The following TRAPPC9 variants were observed in gnomAD, a reference collection of about 807,000 sequenced individuals.
TRAPPC9 encodes IKK2 binding protein.
In TRAPPC9, 83 loss-of-function variants were observed where a neutral mutation model predicts 124.0. The observed-to-expected ratio is 0.67, with a 90% CI of 0.56 to 0.80. TRAPPC9 has a LOEUF of 0.80. Among genes scored for constraint, TRAPPC9 ranks in the 30% least tolerant of loss-of-function variants. The pLI, the probability that TRAPPC9 is intolerant of heterozygous loss-of-function variation, is 0.00. For missense variants in TRAPPC9, 1,302 were observed against 1,508.3 expected (o/e 0.86, Z 2.27); for synonymous variants, 638 against 617.5 (o/e 1.03, Z -0.49).
In TRAPPC9 at chr8:140,033,678, T is replaced by TTTG. The variant is rs1563706892; in HGVS notation, c.2557-9600_2557-9599insCAA. On this transcript the variant is annotated intron_variant, in intron 17 of 22. Transcript: ENST00000438773. ...ATGTGGTTTTTTTTTTTTTTTTTTTTTTTTTTTTTTTTTTTTTTTTTGAGA... is the reference window on the plus strand; with the variant it reads ...ATGTGGTTTTTTTTTTTTTTTTTTTTTTGTTTTTTTTTTTTTTTTTTTTTGAGA... 2.1e-4 allele frequency among the ~76,000 whole-genome samples: 10 copies of TTTG among 48,508 alleles called. 1 individual carries two copies. Among genetic ancestry groups the TTTG allele is most frequent in the Non-Finnish European group, 4.1e-4 (7 of 16,946 alleles). 31.8% of individuals were successfully genotyped at this position (48,508 alleles called of 152,430 possible). A position where few individuals can be genotyped will look rare whatever the true frequency, so the allele number is the denominator to read the frequency against.
chr8:140,024,232 T>TACCGACTCACACCCCCGGCGGGG (rs1223809739), intron 17 of TRAPPC9, among the ~76,000 whole-genome samples, 153 bp from the exon 18 acceptor site: 5 of 151,252 alleles, frequency 3.3e-5, no homozygotes, highest in Admixed American at 2.0e-4. Flanking sequence ...CCCCGGCGGG[T>TACCGACTCACACCCCCGGCGGGG]ACCGACTCAC....
At chr8:139,838,400 C>T (rs1056285423) in intron 21 of TRAPPC9, among the ~76,000 whole-genome samples, 6 of 152,182 alleles carry the variant, frequency 3.9e-5, no homozygotes, top group African/African-American at 1.2e-4. Context: ...CATCAGAACC[C>T]GAAACACGAA....
At chr8:140,172,399 G>T (rs2061984008) in intron 17 of TRAPPC9, among the ~76,000 whole-genome samples, 1 of 142,784 alleles carries the variant, frequency 7.0e-6, no homozygotes, top group Non-Finnish European at 1.5e-5. Flanking sequence ...GCAATGGAGG[G>T]GGGTTAAACT....
At chr8:140,399,164 C>T (rs533882872) in intron 6 of TRAPPC9, among the ~76,000 whole-genome samples, 128 of 152,226 alleles carry the variant, frequency 8.4e-4, no homozygotes, top group Non-Finnish European at 1.2e-3. Flanking sequence ...CAGCTGGATG[C>T]CCAGGCAGAA....
chr8:140,032,533 TACAG>T (rs920778954), intron 17 of TRAPPC9, among the ~76,000 whole-genome samples: 1 of 152,218 alleles, frequency 6.6e-6, no homozygotes, highest in Non-Finnish European at 1.5e-5. Flanking sequence ...TTTTACTTAG[TACAG>T]ACAGAGCATC....
At chr8:140,033,717 T>C (rs1003027869) in intron 17 of TRAPPC9, among the ~76,000 whole-genome samples, 2 of 128,988 alleles carry the variant, frequency 1.6e-5, no homozygotes, top group Non-Finnish European at 3.2e-5. Flanking sequence ...AGTCTCGCTC[T>C]GTCGCCCAGG....
chr8:139,948,317 G>A (rs940321642), intron 19 of TRAPPC9, among the ~76,000 whole-genome samples: 4 of 151,080 alleles, frequency 2.6e-5, no homozygotes, highest in East Asian at 1.9e-4. Context: ...AGATCCTAGC[G>A]TGTTCCCCAT....
intron 17 of TRAPPC9, among the ~76,000 whole-genome samples, chr8:140,048,906 T>G (rs569691108): frequency 6.6e-6 from 1 of 152,146 alleles, no homozygotes; most frequent in Non-Finnish European, 1.5e-5. Context: ...AAGGCAGGAA[T>G]CAGGTGTCAT....
At chr8:140,268,223 A>ATAGT (rs1380616151) in intron 15 of TRAPPC9, among the ~76,000 whole-genome samples, 4 of 152,112 alleles carry the variant, frequency 2.6e-5, no homozygotes, top group Non-Finnish European at 4.4e-5. Context: ...ACTTTCTCCT[A>ATAGT]TAGTTAACAT....
At chr8:140,320,971 T>C (rs1052495261) in intron 9 of TRAPPC9, among the ~76,000 whole-genome samples, 1 of 152,222 alleles carries the variant, frequency 6.6e-6, no homozygotes, top group Non-Finnish European at 1.5e-5. Context: ...GAGCAGCTTC[T>C]AGCAGAACAG....
intron 19 of TRAPPC9, among the ~76,000 whole-genome samples, chr8:139,919,514 A>C (rs963918637): frequency 1.3e-5 from 2 of 152,226 alleles, no homozygotes; most frequent in Non-Finnish European, 2.9e-5. Context: ...ATCTCAATAA[A>C]GCTGTTATTA....
In TRAPPC9 at chr8:140,409,614, G is replaced by A. The variant is rs189348436; in HGVS notation, c.887-3916C>T. The stretch of plus-strand genomic sequence containing the variant: ...GGTACCTGCACACTTAGTGTGCCAC[G>A]CAGCTGTGAAAGTGGATGAGAAAGA... On this transcript the variant is annotated intron_variant, in intron 5 of 22. Coordinates refer to ENST00000438773, the MANE Select transcript of TRAPPC9 (RefSeq NM_001160372.4). Among the ~76,000 whole-genome samples the A allele has an allele frequency of 5.3e-5, 8 of 152,270 alleles. No individual in the cohort carries two copies. The East Asian group carries it at 5.8e-4, about 11-fold the overall frequency.
intron 17 of TRAPPC9, among the ~76,000 whole-genome samples, chr8:140,029,454 A>G (rs1840363070): frequency 6.6e-6 from 1 of 152,132 alleles, no homozygotes; most frequent in Non-Finnish European, 1.5e-5. Flanking sequence ...GCAGTGAGCC[A>G]AGATCATGCC....
At chr8:139,804,430 CAAG>C (rs1823852877) in intron 21 of TRAPPC9, among the ~76,000 whole-genome samples, 1 of 139,990 alleles carries the variant, frequency 7.1e-6, no homozygotes, top group Non-Finnish European at 1.6e-5. Flanking sequence ...CCACCGCCAC[CAAG>C]CACCATCACC....
In TRAPPC9 at chr8:140,284,015, T is replaced by C. The variant is rs200557642; in HGVS notation, c.1988A>G (p.His663Arg). 34 of 1,613,962 alleles carry C rather than the reference T, an allele frequency of 2.1e-5. No homozygotes were observed. Among genetic ancestry groups the C allele is most frequent in the Non-Finnish European group, 2.7e-5 (32 of 1,179,956 alleles). Residue 663 changes from histidine to arginine, a missense_variant, in exon 14 of 23, where the codon CAT becomes CGT. His to Arg is a conservative substitution (Grantham distance 29). Around this residue, in one of 3 missense-constraint regions of TRAPPC9, gnomAD observed 640 missense variants for 679.3 expected, o/e 0.94. Coordinates refer to ENST00000438773, the MANE Select transcript of TRAPPC9 (RefSeq NM_001160372.4). ...ACTGAACACACCGAAGACCGTGGTA[T>C]GGTAACCTGGAATAGAAAAGGAACT... ...TTGTITVNGY[H>R]TTVFGVFSDC...
At chr8:140,078,473 G>A (rs527304878) in intron 17 of TRAPPC9, among the ~76,000 whole-genome samples, 4 of 152,182 alleles carry the variant, frequency 2.6e-5, no homozygotes, top group South Asian at 2.1e-4. Context: ...GGCTGAACAC[G>A]GGGGAGGGCT....
intron 17 of TRAPPC9, among the ~76,000 whole-genome samples, chr8:140,072,619 GGAGGA>G: frequency 6.8e-6 from 1 of 146,534 alleles, no homozygotes; most frequent in East Asian, 2.0e-4. Context: ...AGGAGGAGGA[GGAGGA>G]GCGGTGGTGG....
At chr8:140,438,422 G>C (rs1415352433) in intron 3 of TRAPPC9, among the ~76,000 whole-genome samples, 1 of 152,196 alleles carries the variant, frequency 6.6e-6, no homozygotes, top group Admixed American at 6.5e-5. Context: ...ACACATGGAG[G>C]AGGTTTTGAG....
chr8:139,826,403 G>A (rs949667249), intron 21 of TRAPPC9, among the ~76,000 whole-genome samples: 14 of 152,192 alleles, frequency 9.2e-5, no homozygotes, highest in Non-Finnish European at 1.0e-4. Flanking sequence ...GGAGCCGGCC[G>A]GGTGAGCCTG....
Sources: gnomAD v4.1 joint callset for allele counts (sites outside exome capture counted in the v4.1 genomes callset) on GRCh38, gnomAD v4.1.1 for gene constraint, gnomAD v4.1.1 regional missense constraint, MANE v1.5 for transcripts, NCBI Gene and HGNC (gene_info 2026-07-23, HGNC 2026-07-21) for gene names.